The following SNTG1 variants were observed in gnomAD, a reference collection of about 807,000 sequenced individuals.
The protein encoded by SNTG1 is syntrophin gamma 1, also known as gamma-1-syntrophin.
SNTG1 carries 39 observed loss-of-function variants against 74.7 expected under a neutral mutation model. The ratio of observed to expected loss-of-function variants is 0.52; its 90% CI spans 0.40 to 0.68. The LOEUF (loss-of-function observed/expected upper bound fraction) is 0.68. Among genes scored for constraint, SNTG1 ranks in the 30% least tolerant of loss-of-function variants. SNTG1 has a pLI of 0.00. For missense variants in SNTG1, 685 were observed against 609.5 expected (o/e 1.12, Z -1.30); for synonymous variants, 254 against 217.1 (o/e 1.17, Z -1.49).
At chr8:49,922,703 C>T (rs1020234775) in intron 1 of SNTG1, among the ~76,000 whole-genome samples, 5 of 152,096 alleles carry the variant, frequency 3.3e-5, no homozygotes, top group African/African-American at 1.2e-4. Context: ...GTTAACAACC[C>T]ATGGTCATGA....
At chr8:50,510,825 G>T (rs1157247232) in intron 9 of SNTG1, among the ~76,000 whole-genome samples, 1 of 151,760 alleles carries the variant, frequency 6.6e-6, no homozygotes. Context: ...TATTAGTCTT[G>T]CTAGCGGTCT....
At chr8:50,612,320 T>C (rs2094856262) in intron 13 of SNTG1, among the ~76,000 whole-genome samples, 1 of 152,174 alleles carries the variant, frequency 6.6e-6, no homozygotes. Context: ...CATTTAAAAA[T>C]GTCTTTAGAT....
intron 2 of SNTG1, among the ~76,000 whole-genome samples, chr8:50,344,180 T>C (rs757209561): frequency 5.3e-5 from 8 of 152,226 alleles, no homozygotes; most frequent in Non-Finnish European, 2.9e-5. Flanking sequence ...AATCCTGATA[T>C]ATACCATTTT....
chr8:50,191,479 C>T (rs752309605), intron 2 of SNTG1, among the ~76,000 whole-genome samples: 68 of 152,026 alleles, frequency 4.5e-4, no homozygotes, highest in Non-Finnish European at 5.7e-4. Context: ...AAATCATTTG[C>T]CTCACTATCT....
chr8:50,135,974 G>T (rs1166889449), intron 1 of SNTG1, among the ~76,000 whole-genome samples: 2 of 152,050 alleles, frequency 1.3e-5, no homozygotes, highest in Non-Finnish European at 2.9e-5. Context: ...TCAATGTTTA[G>T]CTCCCAGTTA....
chr8:50,040,592 C>T (rs944023468), intron 1 of SNTG1, among the ~76,000 whole-genome samples: 1 of 152,074 alleles, frequency 6.6e-6, no homozygotes, highest in Non-Finnish European at 1.5e-5. Flanking sequence ...TTCTGTAGGA[C>T]AAGCAATCCT....
chr8:50,432,721 T>A (rs777896374), intron 4 of SNTG1, among the ~76,000 whole-genome samples: 1 of 152,010 alleles, frequency 6.6e-6, no homozygotes, highest in Non-Finnish European at 1.5e-5. Flanking sequence ...TAAATCCTAT[T>A]AGTATTATGT....
chr8:50,308,794 T>G (rs893734455), intron 2 of SNTG1, among the ~76,000 whole-genome samples: 1 of 152,214 alleles, frequency 6.6e-6, no homozygotes, highest in African/African-American at 2.4e-5. Flanking sequence ...CAACTGGCTC[T>G]TAAAGTCAGA....
chr8:50,706,510 C>T (rs2095443845), intron 16 of SNTG1, among the ~76,000 whole-genome samples: 1 of 152,018 alleles, frequency 6.6e-6, no homozygotes, highest in Admixed American at 6.6e-5. Flanking sequence ...TTTTAAGTCT[C>T]CTGATATTTA....
At chr8:49,916,787 C>G (rs1437618031) in intron 1 of SNTG1, among the ~76,000 whole-genome samples, 2 of 151,886 alleles carry the variant, frequency 1.3e-5, no homozygotes, top group South Asian at 2.1e-4. Context: ...AAGAGGATCA[C>G]TTGAAGCCAG....
chr8:50,548,913 A>T (rs560501979), intron 11 of SNTG1, among the ~76,000 whole-genome samples: 3 of 152,294 alleles, frequency 2.0e-5, no homozygotes, highest in Non-Finnish European at 4.4e-5. Context: ...AGGTGTGCAG[A>T]ATATGTGTTG....
At chr8:50,249,813 C>G (rs1162380305) in intron 2 of SNTG1, among the ~76,000 whole-genome samples, 1 of 152,020 alleles carries the variant, frequency 6.6e-6, no homozygotes, top group African/African-American at 2.4e-5. Context: ...GATCCATTTA[C>G]AGGAAAAAGC....
chr8:50,262,536 G>A (rs1347174530), intron 2 of SNTG1, among the ~76,000 whole-genome samples: 1 of 152,118 alleles, frequency 6.6e-6, no homozygotes, highest in Admixed American at 6.5e-5. Flanking sequence ...CAGCCTCAGA[G>A]TAGCTGGGAC....
Position 50,127,153 on chromosome 8 carries a change from G to A in SNTG1, c.-102-45408G>A, listed in dbSNP as rs1363236121. On this transcript the variant is annotated intron_variant, in intron 1 of 18. Coordinates refer to ENST00000642720, the MANE Select transcript of SNTG1 (RefSeq NM_018967.5). ...AACAGAAAGTAAAGGATTCCTGAGT[G>A]AAGGGGGAGGAGAAATTTGCTGACG... Among the ~76,000 whole-genome samples, 3 of 152,116 alleles carry A rather than the reference G, an allele frequency of 2.0e-5. No individual in the cohort carries two copies. In the East Asian group the frequency reaches 5.8e-4, roughly 29 times the overall value.
At chr8:50,283,024 C>T (rs2088565513) in intron 2 of SNTG1, among the ~76,000 whole-genome samples, 1 of 152,020 alleles carries the variant, frequency 6.6e-6, no homozygotes. Flanking sequence ...CTTCAACAAT[C>T]GTTTTTACAA....
chr8:50,086,958 G>A (rs1205298295), intron 1 of SNTG1, among the ~76,000 whole-genome samples: 1 of 152,156 alleles, frequency 6.6e-6, no homozygotes, highest in Non-Finnish European at 1.5e-5. Context: ...TCTTTTTGAA[G>A]ATCAGCATGT....
At position 49,986,404 on chromosome 8, in the gene SNTG1, A is replaced by G. The variant is rs1344564383; in HGVS notation, c.-103+74173A>G. Among the ~76,000 whole-genome samples, 4 of 152,188 alleles carry G rather than the reference A, an allele frequency of 2.6e-5. No homozygotes were observed. In the East Asian group the frequency reaches 7.7e-4, roughly 29 times the overall value. ...TAAGATTCTAATTATCGATTAAGTCAATTGTGGTTAAGCTGGAGGTATCAC... is the reference window on the plus strand; with the variant it reads ...TAAGATTCTAATTATCGATTAAGTCGATTGTGGTTAAGCTGGAGGTATCAC... On this transcript the variant is annotated intron_variant, in intron 1 of 18. Transcript: ENST00000642720.
intron 13 of SNTG1, among the ~76,000 whole-genome samples, chr8:50,604,455 AC>A (rs746966537): frequency 2.6e-5 from 4 of 152,086 alleles, no homozygotes; most frequent in Non-Finnish European, 4.4e-5. Flanking sequence ...TTAGAAATAT[AC>A]CTGGTGTTCT....
intron 2 of SNTG1, among the ~76,000 whole-genome samples, chr8:50,369,942 C>G (rs930800015): frequency 1.3e-5 from 2 of 152,138 alleles, no homozygotes; most frequent in African/African-American, 4.8e-5. Flanking sequence ...ATGCCAATGA[C>G]TCTATTTCTA....
Sources: allele counts gnomAD v4.1 joint callset (sites outside exome capture counted in the v4.1 genomes callset), GRCh38; gene constraint gnomAD v4.1.1; transcripts MANE v1.5; gene names NCBI Gene and HGNC (gene_info 2026-07-23, HGNC 2026-07-21).